Variants in NRG3 observed in about 807,000 individuals in gnomAD.
NRG3 encodes the protein pro-neuregulin-3, membrane-bound isoform.
In NRG3, 31 loss-of-function variants were observed where a neutral mutation model predicts 66.9. The ratio of observed to expected loss-of-function variants is 0.46; its 90% CI spans 0.35 to 0.63. The LOEUF is 0.63. NRG3 is among the 20% of genes least tolerant of loss of function. The pLI is 0.00. For synonymous variants in NRG3, 393 were observed against 359.4 expected (o/e 1.09, Z -1.06); for missense variants, 910 against 878.9 (o/e 1.04, Z -0.45).
intron 2 of NRG3, among the ~76,000 whole-genome samples, chr10:82,727,449 G>A (rs560751982): frequency 1.2e-4 from 19 of 152,354 alleles, no homozygotes; most frequent in East Asian, 1.2e-3. Flanking sequence ...TACAGCTCAG[G>A]CCATGGCTTC....
At chr10:81,884,564 A>G (rs573821065) in intron 1 of NRG3, among the ~76,000 whole-genome samples, 2 of 152,370 alleles carry the variant, frequency 1.3e-5, no homozygotes, top group South Asian at 2.1e-4. Context: ...ACAATTAAAA[A>G]TACAAATAAG....
At chr10:82,747,460 C>T (rs1314722292) in intron 3 of NRG3, among the ~76,000 whole-genome samples, 1 of 151,842 alleles carries the variant, frequency 6.6e-6, no homozygotes, top group East Asian at 1.9e-4. Flanking sequence ...TTTACATTTC[C>T]GTGAGTGAAA....
At chr10:82,516,043 C>A (rs1029410693) in intron 2 of NRG3, among the ~76,000 whole-genome samples, 6 of 152,078 alleles carry the variant, frequency 3.9e-5, no homozygotes, top group Non-Finnish European at 8.8e-5. Context: ...GGTCAATAAG[C>A]AATTGTCTCA....
intron 2 of NRG3, among the ~76,000 whole-genome samples, chr10:82,732,254 A>G (rs1451393685): frequency 1.3e-5 from 2 of 152,196 alleles, no homozygotes; most frequent in African/African-American, 4.8e-5. Context: ...GTATGCCTTT[A>G]AATCACTAAC....
rs114532680 is a variant in NRG3, at chr10:82,089,175, A to G, written c.823+213012A>G. Among the ~76,000 whole-genome samples, 186 of 152,096 alleles carry G rather than the reference A, an allele frequency of 1.2e-3. 2 individuals carry two copies. The highest frequency in any genetic ancestry group is 4.4e-3 in the African/African-American group (181 of 41,366). On this transcript the variant is annotated intron_variant, in intron 1 of 8. Transcript: ENST00000372141. ...TGGGCAAATAAGTTAATGCTAGTAAAAGATTGCCATATTACTGCATTTTGT... is the reference window on the plus strand; with the variant it reads ...TGGGCAAATAAGTTAATGCTAGTAAGAGATTGCCATATTACTGCATTTTGT...
rs35571609 is a variant in NRG3 at position 82,625,389 on chromosome 10, CT to C, written c.954-113181del. Among the ~76,000 whole-genome samples, 831 of 152,108 alleles carry C rather than the reference CT, an allele frequency of 5.5e-3. 21 individuals carry two copies. Among genetic ancestry groups the C allele is most frequent in the Admixed American group, 5.9e-3 (90 of 15,266 alleles). On this transcript the variant is annotated intron_variant, in intron 2 of 8. Coordinates refer to ENST00000372141, the MANE Select transcript of NRG3 (RefSeq NM_001010848.4). ...CAGAATTTAATTAAATACACAGATA[CT>C]TTTTTTAGTACCAAGTTGGTTTATG...
At chr10:82,596,711 C>G (rs2047302679) in intron 2 of NRG3, among the ~76,000 whole-genome samples, 1 of 152,194 alleles carries the variant, frequency 6.6e-6, no homozygotes, top group Non-Finnish European at 1.5e-5. Flanking sequence ...TCTTTAAAAA[C>G]TCATCCTCAC....
intron 2 of NRG3, among the ~76,000 whole-genome samples, chr10:82,673,762 T>C (rs2053468651): frequency 1.3e-5 from 2 of 152,184 alleles, no homozygotes; most frequent in Admixed American, 1.3e-4. Flanking sequence ...TCGGGATCCA[T>C]GTGAAGATAC....
At position 81,993,687 on chromosome 10, in the gene NRG3, G is replaced by T. The variant is rs79355008; in HGVS notation, c.823+117524G>T. Among the ~76,000 whole-genome samples, 61 of 152,270 alleles carry T rather than the reference G, an allele frequency of 4.0e-4. No individual in the cohort carries two copies. The East Asian group carries it at 0.011, about 27-fold the overall frequency. On this transcript the variant is annotated intron_variant, in intron 1 of 8. Transcript: ENST00000372141. ...TTCTTATTTTCCAATTCCAAATTTA[G>T]TGTCAAGTCTACAAGTTCAAACTAC...
chr10:82,469,566 T>C (rs1841031296), intron 2 of NRG3, among the ~76,000 whole-genome samples: 1 of 152,154 alleles, frequency 6.6e-6, no homozygotes, highest in Non-Finnish European at 1.5e-5. Context: ...CAGGGAGTGA[T>C]CATGGCTAGG....
chr10:82,524,274 G>A (rs1846473922), intron 2 of NRG3, among the ~76,000 whole-genome samples: 1 of 152,040 alleles, frequency 6.6e-6, no homozygotes, highest in African/African-American at 2.4e-5. Flanking sequence ...TTTAAAGATA[G>A]TAGTGTACTT....
intron 2 of NRG3, among the ~76,000 whole-genome samples, chr10:82,411,966 T>C (rs1328345547): frequency 6.6e-6 from 1 of 152,058 alleles, no homozygotes; most frequent in Non-Finnish European, 1.5e-5. Context: ...GTCCTTATTA[T>C]AGGAAAAAGT....
At chr10:82,652,046 T>C (rs1233954894) in intron 2 of NRG3, among the ~76,000 whole-genome samples, 2 of 152,194 alleles carry the variant, frequency 1.3e-5, no homozygotes, top group Non-Finnish European at 2.9e-5. Flanking sequence ...CCAGCTGCTT[T>C]GGCACCAGCA....
intron 1 of NRG3, among the ~76,000 whole-genome samples, chr10:82,062,212 A>G (rs547098971): frequency 3.9e-5 from 6 of 152,272 alleles, no homozygotes; most frequent in Non-Finnish European, 5.9e-5. Context: ...AGAGCTCAGC[A>G]TAGCTCATTT....
intron 1 of NRG3, among the ~76,000 whole-genome samples, chr10:82,179,618 C>G (rs1296635809): frequency 6.6e-6 from 1 of 151,864 alleles, no homozygotes; most frequent in East Asian, 1.9e-4. Context: ...TTGTCTTATG[C>G]CAGTACCATA....
chr10:82,662,364 A>G (rs1258933700), intron 2 of NRG3, among the ~76,000 whole-genome samples: 1 of 152,146 alleles, frequency 6.6e-6, no homozygotes, highest in Non-Finnish European at 1.5e-5. Flanking sequence ...CTCTTTTAAA[A>G]AAAAAAAAAT....
At chr10:82,718,143 T>C (rs1484837274) in intron 2 of NRG3, among the ~76,000 whole-genome samples, 1 of 152,212 alleles carries the variant, frequency 6.6e-6, no homozygotes, top group Admixed American at 6.5e-5. Flanking sequence ...TCCTATCTGG[T>C]ACACCCACTG....
At chr10:82,216,523 C>T (rs1037444431) in intron 1 of NRG3, among the ~76,000 whole-genome samples, 4 of 144,698 alleles carry the variant, frequency 2.8e-5, no homozygotes, top group African/African-American at 7.8e-5. Flanking sequence ...CATATATGCA[C>T]ATATATGTGT....
intron 1 of NRG3, among the ~76,000 whole-genome samples, chr10:82,276,222 A>G (rs761583838): frequency 8.6e-5 from 13 of 152,030 alleles, no homozygotes; most frequent in South Asian, 2.1e-4. Flanking sequence ...CAAAGTAGTA[A>G]TGTAAACAGT....
Sources: allele counts gnomAD v4.1 joint callset (sites outside exome capture counted in the v4.1 genomes callset), GRCh38; gene constraint gnomAD v4.1.1; transcripts MANE v1.5; gene names NCBI Gene and HGNC (gene_info 2026-07-23, HGNC 2026-07-21).